Variants in WASL observed in about 807,000 individuals in gnomAD.
The protein encoded by WASL is actin nucleation-promoting factor WASL.
WASL carries 20 observed loss-of-function variants against 55.5 expected under a neutral mutation model. The observed-to-expected ratio is 0.36, with a 90% confidence interval of 0.25 to 0.52. The LOEUF (loss-of-function observed/expected upper bound fraction) is 0.52, where lower values mean the gene tolerates loss of function less well. Ranked by LOEUF, WASL falls within the 20% of genes least tolerant of loss-of-function variation. The pLI is 0.92. For synonymous variants in WASL, 249 were observed against 217.6 expected (o/e 1.14, Z -1.27); for missense variants, 504 against 622.5 (o/e 0.81, Z 2.03).
rs1479573513 is a variant in WASL at position 123,692,301 on chromosome 7, C to T, written c.1347+46G>A. ...CTTTCAATAAATTACTTTAAAATTC[C>T]ATTATGATAAAGGATCTAAAATGAA... On this transcript the variant is annotated intron_variant, in intron 9 of 10. Coordinates refer to ENST00000223023, the MANE Select transcript of WASL (RefSeq NM_003941.4). The T allele has an allele frequency of 2.6e-6, 4 of 1,560,072 alleles. No individual in the cohort carries two copies. In the East Asian group the frequency reaches 9.0e-5, roughly 35 times the overall value.
At chr7:123,720,677 G>GTC (rs1803930845) in intron 1 of WASL, among the ~76,000 whole-genome samples, 1 of 142,150 alleles carries the variant, frequency 7.0e-6, no homozygotes, top group South Asian at 2.2e-4. Context: ...TTGAGATGGA[G>GTC]TCTCATTCTC....
At chr7:123,698,352 A>G (rs765357192) in intron 5 of WASL, among the ~76,000 whole-genome samples, 24 of 131,412 alleles carry the variant, frequency 1.8e-4, no homozygotes, top group Middle Eastern at 3.8e-3. Flanking sequence ...AAATTATCTG[A>G]AAAAAAAAAA....
chr7:123,704,975 A>C (rs1073670), intron 4 of WASL, among the ~76,000 whole-genome samples: 69,069 of 152,002 alleles, frequency 0.45, 15,970 homozygotes, highest in South Asian at 0.66. Flanking sequence ...ATGGTTAAGG[A>C]CTATAGATTT....
intron 2 of WASL, among the ~76,000 whole-genome samples, chr7:123,708,833 TAA>T (rs752760474): frequency 2.2e-5 from 3 of 136,624 alleles, no homozygotes; most frequent in African/African-American, 2.7e-5. Context: ...AGGCATAATT[TAA>T]AAAAAAAAAA....
chr7:123,709,004 A>C (rs922236869), intron 2 of WASL, 85 bp downstream of exon 2: 4 of 1,288,778 alleles, frequency 3.1e-6, no homozygotes, highest in Non-Finnish European at 4.1e-6. Flanking sequence ...AATATCACAT[A>C]TAGGATAAAC....
At chr7:123,706,422 G>C in intron 3 of WASL, 49 bp from the exon 4 acceptor site, 7 of 1,513,376 alleles carry the variant, frequency 4.6e-6, no homozygotes, top group Non-Finnish European at 6.4e-6. Context: ...TATGAATTTA[G>C]CTTTATATCA....
At chr7:123,727,613 A>C (rs1057448212) in intron 1 of WASL, among the ~76,000 whole-genome samples, 26 of 152,222 alleles carry the variant, frequency 1.7e-4, no homozygotes, top group African/African-American at 6.0e-4. Context: ...CATGACAGAA[A>C]TCAGAAAGTG....
At chr7:123,698,252 AAGGCT>A (rs1185275536) in intron 5 of WASL, among the ~76,000 whole-genome samples, 1 of 152,116 alleles carries the variant, frequency 6.6e-6, no homozygotes, top group African/African-American at 2.4e-5. Context: ...TAGAAATCTC[AAGGCT>A]AATGTATATT....
chr7:123,727,043 C>G (rs1804057319), intron 1 of WASL, among the ~76,000 whole-genome samples: 1 of 151,930 alleles, frequency 6.6e-6, no homozygotes, highest in South Asian at 2.1e-4. Context: ...ACACAAAAAA[C>G]AAAGATACAT....
At chr7:123,719,835 C>T (rs562273565) in intron 1 of WASL, among the ~76,000 whole-genome samples, 1 of 152,314 alleles carries the variant, frequency 6.6e-6, no homozygotes, top group South Asian at 2.1e-4. Context: ...CTTTTTACCA[C>T]CCAAGCCACC....
chr7:123,697,680 G>C (rs6466881), intron 5 of WASL, among the ~76,000 whole-genome samples: 69,127 of 151,990 alleles, frequency 0.45, 15,993 homozygotes, highest in South Asian at 0.66. Context: ...GTGTAGAAAA[G>C]AGTTTAAGGC....
chr7:123,724,354 C>T lies in WASL; in HGVS notation c.118-15131G>A, dbSNP rs531059230. Among the ~76,000 whole-genome samples, 79 of 152,290 alleles carry T rather than the reference C, an allele frequency of 5.2e-4. 2 individuals carry two copies. The highest frequency in any genetic ancestry group is 1.9e-3 in the African/African-American group (77 of 41,570). On this transcript the variant is annotated intron_variant, in intron 1 of 10. Coordinates refer to ENST00000223023, the MANE Select transcript of WASL (RefSeq NM_003941.4). ...GCTTATAGTGTTCACTCTGCTGAAA[C>T]ATAATGTTGAAAACTTTTCAAACTC...
chr7:123,731,960 G>C (rs1047636402), intron 1 of WASL, among the ~76,000 whole-genome samples: 5 of 152,010 alleles, frequency 3.3e-5, no homozygotes, highest in African/African-American at 9.7e-5. Flanking sequence ...AGAAATGAAA[G>C]TCAATAAAAC....
In WASL at chr7:123,729,280, G is replaced by T. The variant is rs139358764; in HGVS notation, c.117+19338C>A. On this transcript the variant is annotated intron_variant, in intron 1 of 10. Coordinates refer to ENST00000223023, the MANE Select transcript of WASL (RefSeq NM_003941.4). ...ACATTTTTTTTTGCACTAAGTCTTA[G>T]AAATCCAGTGTGTATTTCACACTTA... Among the ~76,000 whole-genome samples the T allele has an allele frequency of 4.0e-3, 608 of 152,016 alleles. 2 individuals are homozygous for T. Among genetic ancestry groups the T allele is most frequent in the African/African-American group, 0.014 (574 of 41,458 alleles).
At chr7:123,689,006 G>C (rs7805396) in intron 10 of WASL, 36 bp downstream of exon 10, 28 of 1,278,968 alleles carry the variant, frequency 2.2e-5, no homozygotes, top group African/African-American at 9.2e-5. Flanking sequence ...CACTCTCTCT[G>C]TCTCTCTCTC....
intron 10 of WASL, among the ~76,000 whole-genome samples, 171 bp from the exon 11 acceptor site, chr7:123,684,751 T>C (rs1304776494): frequency 6.6e-6 from 1 of 151,842 alleles, no homozygotes; most frequent in Admixed American, 6.6e-5. Flanking sequence ...ATCTATAGAG[T>C]ATGATAGTAA....
chr7:123,748,216 A>G (rs1247201355), intron 1 of WASL, among the ~76,000 whole-genome samples: 1 of 151,984 alleles, frequency 6.6e-6, no homozygotes, highest in East Asian at 2.0e-4. Flanking sequence ...TTGTTAAGGA[A>G]CGTACCCCCA....
intron 1 of WASL, among the ~76,000 whole-genome samples, chr7:123,723,482 T>C (rs1393023062): frequency 6.6e-6 from 1 of 152,180 alleles, no homozygotes; most frequent in Non-Finnish European, 1.5e-5. Context: ...TTAATAATCA[T>C]GTAGTACATT....
At chr7:123,726,777 A>C (rs1804051199) in intron 1 of WASL, among the ~76,000 whole-genome samples, 1 of 152,126 alleles carries the variant, frequency 6.6e-6, no homozygotes, top group East Asian at 1.9e-4. Context: ...GAAGCAAGAG[A>C]ATCACTTGAA....
Sources: allele counts gnomAD v4.1 joint callset (sites outside exome capture counted in the v4.1 genomes callset), GRCh38; gene constraint gnomAD v4.1.1; transcripts MANE v1.5; gene names NCBI Gene and HGNC (gene_info 2026-07-23, HGNC 2026-07-21).